The following COG5 variants were observed in gnomAD, a reference collection of about 807,000 sequenced individuals.
COG5 encodes the protein component of oligomeric golgi complex 5.
COG5 carries 86 observed loss-of-function variants against 110.4 expected under a neutral mutation model. That is an observed-to-expected ratio of 0.78 (90% CI 0.65 to 0.93). COG5 has a LOEUF of 0.93. COG5 is among the 40% of genes least tolerant of loss of function. COG5 has a pLI of 0.00. For missense variants in COG5, 1,077 were observed against 987.0 expected (o/e 1.09, Z -1.22); for synonymous variants, 360 against 334.6 (o/e 1.08, Z -0.83).
chr7:107,553,318 A>G (rs1012573550), intron 3 of COG5, among the ~76,000 whole-genome samples: 1 of 152,240 alleles, frequency 6.6e-6, no homozygotes, highest in African/African-American at 2.4e-5. Context: ...TAATCTTCCT[A>G]AGAACCTAGT....
intron 6 of COG5, among the ~76,000 whole-genome samples, chr7:107,499,993 A>G (rs1000958917): frequency 4.6e-5 from 7 of 152,170 alleles, no homozygotes; most frequent in Non-Finnish European, 7.3e-5. Context: ...TCATGATTTA[A>G]GCACTGGAGC....
At chr7:107,444,472 GT>G (rs1279938073) in intron 6 of COG5, among the ~76,000 whole-genome samples, 1 of 152,088 alleles carries the variant, frequency 6.6e-6, no homozygotes. Flanking sequence ...TTCTTACACT[GT>G]TTTCGCCACT....
chr7:107,220,503 T>C (rs1799839238), intron 19 of COG5, among the ~76,000 whole-genome samples: 1 of 152,240 alleles, frequency 6.6e-6, no homozygotes, highest in African/African-American at 2.4e-5. Context: ...ATGACGAGGC[T>C]ATGCCTCAGC....
chr7:107,419,465 A>G (rs1056034819), intron 6 of COG5, among the ~76,000 whole-genome samples: 1 of 152,078 alleles, frequency 6.6e-6, no homozygotes, highest in Non-Finnish European at 1.5e-5. Flanking sequence ...ATTTTTTTCT[A>G]ATAGTAAAAA....
intron 6 of COG5, among the ~76,000 whole-genome samples, chr7:107,518,588 T>C (rs1800110681): frequency 6.6e-6 from 1 of 152,054 alleles, no homozygotes; most frequent in Admixed American, 6.6e-5. Flanking sequence ...CATAAATGGA[T>C]CAATTCAACA....
Position 107,298,198 on chromosome 7 carries a change from T to C in COG5, c.1257A>G (p.Leu419=), listed in dbSNP as rs74443110. Residue 419 remains leucine (L), a synonymous_variant, in exon 12 of 22, where the codon CTA becomes CTG. Coordinates refer to ENST00000297135, the MANE Select transcript of COG5 (RefSeq NM_006348.5). Reference sequence around the variant, plus strand: ...CTTGTGCATCATCTTCCATGTGTTGTAGGTCAACATAGAGGTCTGTAGTTC... The same window carrying C: ...CTTGTGCATCATCTTCCATGTGTTGCAGGTCAACATAGAGGTCTGTAGTTC... ...ASGTTDLYVD[L]QHMEDDAQDI... is the part of the protein sequence containing the mutation. The C allele has an allele frequency of 3.2e-3, 5,231 of 1,613,526 alleles. 100 individuals are homozygous for C. The African/African-American group carries it at 0.049, about 15-fold the overall frequency.
intron 12 of COG5, among the ~76,000 whole-genome samples, chr7:107,289,645 C>A (rs932475395): frequency 6.6e-6 from 1 of 152,082 alleles, no homozygotes; most frequent in African/African-American, 2.4e-5. Flanking sequence ...AGATGAGATG[C>A]TTTTCTACTT....
chr7:107,230,196 C>G (rs1382003919), intron 19 of COG5, among the ~76,000 whole-genome samples: 1 of 152,048 alleles, frequency 6.6e-6, no homozygotes, highest in Non-Finnish European at 1.5e-5. Flanking sequence ...TTTATCATAT[C>G]CATATCTTGG....
At chr7:107,259,597 G>C (rs1029993394) in intron 14 of COG5, among the ~76,000 whole-genome samples, 5 of 151,998 alleles carry the variant, frequency 3.3e-5, no homozygotes, top group Admixed American at 3.3e-4. Flanking sequence ...GGCAGGGGGG[G>C]TCAAATGCTA....
chr7:107,228,627 A>G lies in COG5; in HGVS notation c.2168+1988T>C, dbSNP rs1349999083. On this transcript the variant is annotated intron_variant, in intron 19 of 21. Transcript: ENST00000297135. Reference sequence around the variant, plus strand: ...TCTATAGCTTCAACAAAATACTTAAACAGTTTTAAAAAGATTTGAGCTGAT... The same window carrying G: ...TCTATAGCTTCAACAAAATACTTAAGCAGTTTTAAAAAGATTTGAGCTGAT... Among the ~76,000 whole-genome samples, 3 of 152,164 alleles carry G rather than the reference A, an allele frequency of 2.0e-5. No individual in the cohort carries two copies. The East Asian group carries it at 5.8e-4, about 29-fold the overall frequency.
chr7:107,309,527 T>C (rs1364302947), intron 11 of COG5, among the ~76,000 whole-genome samples: 2 of 152,160 alleles, frequency 1.3e-5, no homozygotes, highest in Non-Finnish European at 1.5e-5. Context: ...CTAGTAGGTG[T>C]AGTAGTAATG....
At chr7:107,437,421 T>C (rs1463020260) in intron 6 of COG5, among the ~76,000 whole-genome samples, 1 of 152,210 alleles carries the variant, frequency 6.6e-6, no homozygotes, top group Non-Finnish European at 1.5e-5. Flanking sequence ...CCATAGTAAC[T>C]TCTTTCTTGT....
intron 6 of COG5, among the ~76,000 whole-genome samples, chr7:107,505,737 G>C (rs1046747946): frequency 6.6e-6 from 1 of 152,162 alleles, no homozygotes; most frequent in Admixed American, 6.6e-5. Context: ...GGGACTCAAG[G>C]CCTCCCGCCT....
intron 7 of COG5, 25 bp downstream of exon 7, chr7:107,412,477 T>TA: frequency 6.2e-7 from 1 of 1,601,042 alleles, no homozygotes; most frequent in Middle Eastern, 1.7e-4. Flanking sequence ...TTTTTTACAT[T>TA]AAAAAACAGT....
At chr7:107,388,237 C>T (rs959266387) in intron 7 of COG5, among the ~76,000 whole-genome samples, 2 of 152,238 alleles carry the variant, frequency 1.3e-5, no homozygotes, top group African/African-American at 4.8e-5. Context: ...ACGTTCCACA[C>T]AACCCTGAAT....
chr7:107,490,319 G>A (rs1415122815), intron 6 of COG5, among the ~76,000 whole-genome samples: 2 of 152,104 alleles, frequency 1.3e-5, no homozygotes, highest in African/African-American at 2.4e-5. Context: ...CACATGCCAC[G>A]GTGTCTTGCC....
chr7:107,227,966 A>C (rs1370174819), intron 19 of COG5, among the ~76,000 whole-genome samples: 1 of 152,184 alleles, frequency 6.6e-6, no homozygotes, highest in Non-Finnish European at 1.5e-5. Flanking sequence ...TAATGCAATA[A>C]ACAACTAAAC....
At chr7:107,217,573 A>T (rs1584532524) in intron 19 of COG5, among the ~76,000 whole-genome samples, 1 of 152,164 alleles carries the variant, frequency 6.6e-6, no homozygotes, top group African/African-American at 2.4e-5. Context: ...GGAGAAATGC[A>T]AGGATGTGTC....
intron 3 of COG5, among the ~76,000 whole-genome samples, chr7:107,550,904 T>TA (rs1554462757): frequency 2.6e-5 from 4 of 151,776 alleles, no homozygotes; most frequent in South Asian, 2.1e-4. Context: ...TTTTTTTTTT[T>TA]ATCTACCTCC....
Sources: gnomAD v4.1 joint callset for allele counts (sites outside exome capture counted in the v4.1 genomes callset) on GRCh38, gnomAD v4.1.1 for gene constraint, MANE v1.5 for transcripts, NCBI Gene and HGNC (gene_info 2026-07-23, HGNC 2026-07-21) for gene names.